Variants in CHST8 observed in about 807,000 individuals in gnomAD.
The protein encoded by CHST8 is carbohydrate sulfotransferase 8, also known as GALNAC-4-ST1.
CHST8 carries 10 observed loss-of-function variants against 15.0 expected under a neutral mutation model. The observed-to-expected ratio is 0.67, with a 90% CI of 0.41 to 1.13. The LOEUF (loss-of-function observed/expected upper bound fraction) is 1.13. Among genes scored for constraint, CHST8 ranks in the 50% most tolerant of loss-of-function variants. CHST8 has a pLI of 0.00. For missense variants in CHST8, 634 were observed against 608.2 expected (o/e 1.04, Z -0.45); for synonymous variants, 259 against 256.6 (o/e 1.01, Z -0.09).
chr19:33,749,580 G>A (rs977865890), intron 3 of CHST8, among the ~76,000 whole-genome samples: 6 of 152,108 alleles, frequency 3.9e-5, no homozygotes, highest in East Asian at 1.9e-4. Flanking sequence ...TGAAGACAGC[G>A]GTGATGAGGC....
At chr19:33,708,344 T>C (rs970150482) in intron 3 of CHST8, among the ~76,000 whole-genome samples, 1 of 152,230 alleles carries the variant, frequency 6.6e-6, no homozygotes, top group Middle Eastern at 3.2e-3. Flanking sequence ...TATGTTTTCT[T>C]CTAAGTTTTT....
At chr19:33,712,727 C>T (rs75951089) in intron 3 of CHST8, among the ~76,000 whole-genome samples, 4,385 of 152,174 alleles carry the variant, frequency 0.029, 150 homozygotes, top group African/African-American at 0.081. Context: ...GGGAGCACTC[C>T]CTCTATCCTG....
intron 1 of CHST8, among the ~76,000 whole-genome samples, chr19:33,662,030 T>G (rs140779089): frequency 6.6e-6 from 1 of 152,066 alleles, no homozygotes; most frequent in Non-Finnish European, 1.5e-5. Context: ...AGTGAGACCC[T>G]GTCTCAAAAA....
At chr19:33,705,968 T>C (rs1973437592) in intron 3 of CHST8, among the ~76,000 whole-genome samples, 1 of 152,190 alleles carries the variant, frequency 6.6e-6, no homozygotes, top group Non-Finnish European at 1.5e-5. Context: ...TTTTACATGC[T>C]TTACCAATAT....
At chr19:33,649,387 G>A (rs1030317180) in intron 1 of CHST8, among the ~76,000 whole-genome samples, 1 of 152,116 alleles carries the variant, frequency 6.6e-6, no homozygotes, top group Non-Finnish European at 1.5e-5. Flanking sequence ...TATAGACTTA[G>A]AAAGGAGAAC....
At chr19:33,747,884 C>T (rs577017415) in intron 3 of CHST8, among the ~76,000 whole-genome samples, 4 of 152,158 alleles carry the variant, frequency 2.6e-5, no homozygotes, top group African/African-American at 9.6e-5. Context: ...TTGTGGAGGC[C>T]GAGGAGGTGG....
At chr19:33,650,801 C>T (rs528609264) in intron 1 of CHST8, among the ~76,000 whole-genome samples, 5 of 152,098 alleles carry the variant, frequency 3.3e-5, no homozygotes, top group Middle Eastern at 3.4e-3. Context: ...CTTCGCCTCC[C>T]GGGTTCAAGC....
At chr19:33,680,692 C>T (rs1171913427) in intron 2 of CHST8, among the ~76,000 whole-genome samples, 1 of 152,188 alleles carries the variant, frequency 6.6e-6, no homozygotes, top group Non-Finnish European at 1.5e-5. Flanking sequence ...CAAAGATCAA[C>T]CAGTAGTTGC....
intron 1 of CHST8, among the ~76,000 whole-genome samples, chr19:33,632,884 T>C (rs1292027165): frequency 6.6e-6 from 1 of 152,184 alleles, no homozygotes; most frequent in Non-Finnish European, 1.5e-5. Flanking sequence ...TCCTCCTGCC[T>C]CAGCCTCCCG....
intron 1 of CHST8, among the ~76,000 whole-genome samples, chr19:33,627,154 A>G (rs1972066542): frequency 6.7e-6 from 1 of 149,358 alleles, no homozygotes; most frequent in African/African-American, 2.5e-5. Flanking sequence ...CCTGGAGTGT[A>G]CAGTGGTGTG....
At chr19:33,688,990 C>T (rs1282891557) in intron 2 of CHST8, among the ~76,000 whole-genome samples, 186 bp from the exon 3 acceptor site, 1 of 152,160 alleles carries the variant, frequency 6.6e-6, no homozygotes, top group Non-Finnish European at 1.5e-5. Context: ...GCTAGCATTC[C>T]AGCCACAGGT....
At chr19:33,648,123 C>A (rs79221037) in intron 1 of CHST8, among the ~76,000 whole-genome samples, 2,979 of 151,930 alleles carry the variant, frequency 0.02, 83 homozygotes, top group African/African-American at 0.068. Context: ...AGACAATTCT[C>A]CTAGGGTCAA....
chr19:33,721,895 A>AGATG (rs201133440), intron 3 of CHST8, among the ~76,000 whole-genome samples: 2,407 of 131,542 alleles, frequency 0.018, 47 homozygotes, highest in African/African-American at 0.052. Context: ...GTGAGTGGGT[A>AGATG]GATGGATGGA....
At chr19:33,646,251 T>A (rs1426088782) in intron 1 of CHST8, among the ~76,000 whole-genome samples, 3 of 152,052 alleles carry the variant, frequency 2.0e-5, no homozygotes, top group African/African-American at 7.2e-5. Context: ...GTGGACAGGG[T>A]ACTAGGGAAT....
intron 3 of CHST8, among the ~76,000 whole-genome samples, chr19:33,725,377 T>G (rs1973874282): frequency 6.6e-6 from 1 of 151,962 alleles, no homozygotes; most frequent in Non-Finnish European, 1.5e-5. Flanking sequence ...AATCTGAAAT[T>G]CCTGGTAATG....
intron 3 of CHST8, among the ~76,000 whole-genome samples, chr19:33,751,237 T>A (rs557421555): frequency 4.1e-4 from 63 of 152,232 alleles, no homozygotes; most frequent in African/African-American, 1.4e-3. Flanking sequence ...GGGACCCATA[T>A]GTTCTCAGGA....
Position 33,773,033 on chromosome 19 carries a change from C to A in CHST8, c.1245C>A (p.Asn415Lys), listed in dbSNP as rs1209992077. 6.2e-7 allele frequency: 1 copy of A among 1,609,964 alleles called. No individual in the cohort carries two copies. The highest frequency in any genetic ancestry group is 8.5e-7 in the Non-Finnish European group (1 of 1,179,776). The change falls in exon 5 of 5, where the codon AAC becomes AAA. Residue 415 changes from asparagine (N) to lysine (K), a missense_variant. Coordinates refer to ENST00000650847, the MANE Select transcript of CHST8 (RefSeq NM_001127895.2). ...DFYYMDYLMF[N>K]YSKPFADLY Reference sequence around the variant, plus strand: ...ACTACATGGATTACCTGATGTTCAACTATTCCAAGCCCTTTGCAGATCTGT... The same window carrying A: ...ACTACATGGATTACCTGATGTTCAAATATTCCAAGCCCTTTGCAGATCTGT...
At chr19:33,673,067 G>T (rs550590450) in intron 2 of CHST8, among the ~76,000 whole-genome samples, 31 of 152,206 alleles carry the variant, frequency 2.0e-4, no homozygotes, top group Non-Finnish European at 4.0e-4. Flanking sequence ...TAGCCAGAAG[G>T]AGTAGGAGTC....
intron 3 of CHST8, among the ~76,000 whole-genome samples, chr19:33,734,634 C>T (rs928534143): frequency 1.3e-5 from 2 of 152,150 alleles, no homozygotes; most frequent in African/African-American, 4.8e-5. Context: ...ACTGCAGGAG[C>T]TCAGGGAGAG....
Sources: gnomAD v4.1 joint callset for allele counts (sites outside exome capture counted in the v4.1 genomes callset) on GRCh38, gnomAD v4.1.1 for gene constraint, MANE v1.5 for transcripts, NCBI Gene and HGNC (gene_info 2026-07-23, HGNC 2026-07-21) for gene names.